C9: variants seen among roughly 807,000 people sequenced by gnomAD.
C9 encodes the protein complement component C9.
A neutral mutation model predicts 65.4 loss-of-function variants in C9; 63 were observed. The observed-to-expected ratio is 0.96, with a 90% CI of 0.79 to 1.19. The LOEUF (loss-of-function observed/expected upper bound fraction) is 1.19. C9 is among the 50% of genes most tolerant of loss of function. C9 has a pLI of 0.00. For missense variants in C9, 744 were observed against 670.1 expected (o/e 1.11, Z -1.22); for synonymous variants, 229 against 227.9 (o/e 1.00, Z -0.04).
chr5:39,342,019 C>G, intron 2 of C9, 72 bp downstream of exon 2: 1 of 905,094 alleles, frequency 1.1e-6, no homozygotes, highest in Non-Finnish European at 1.9e-6. Context: ...GCCTCATAAT[C>G]ATTTTTCTGG....
chr5:39,325,771 C>G (rs1473732654), intron 5 of C9, among the ~76,000 whole-genome samples: 1 of 92,476 alleles, frequency 1.1e-5, no homozygotes, highest in Admixed American at 1.2e-4. Context: ...GACTCCATCT[C>G]AAAAAAAAAA....
At chr5:39,346,534 C>T (rs983175971) in intron 1 of C9, among the ~76,000 whole-genome samples, 2 of 152,068 alleles carry the variant, frequency 1.3e-5, no homozygotes, top group African/African-American at 2.4e-5. Context: ...AATTAATAGC[C>T]TACCAACCAA....
intron 9 of C9, among the ~76,000 whole-genome samples, chr5:39,293,009 T>C (rs650118): frequency 0.078 from 11,716 of 149,526 alleles, 603 homozygotes; most frequent in East Asian, 0.14. Flanking sequence ...AACTGAAATG[T>C]TAAAGGGAGA....
At chr5:39,344,485 AGAAAT>A (rs1476789597) in intron 1 of C9, among the ~76,000 whole-genome samples, 2 of 152,262 alleles carry the variant, frequency 1.3e-5, no homozygotes, top group Non-Finnish European at 2.9e-5. Context: ...AAGGATAAAA[AGAAAT>A]GAACAAAGCC....
At chr5:39,296,858 C>G (rs943194212) in intron 9 of C9, among the ~76,000 whole-genome samples, 1 of 150,892 alleles carries the variant, frequency 6.6e-6, no homozygotes, top group East Asian at 1.9e-4. Flanking sequence ...CGCATGTTTT[C>G]TCTTATATGT....
At chr5:39,305,320 G>A (rs1175626330) in intron 9 of C9, among the ~76,000 whole-genome samples, 3 of 151,910 alleles carry the variant, frequency 2.0e-5, no homozygotes, top group Non-Finnish European at 4.4e-5. Context: ...TAACATAAAG[G>A]GAGAATAGAT....
intron 7 of C9, 106 bp from the exon 8 acceptor site, chr5:39,308,464 C>T (rs1404350874): frequency 1.3e-6 from 1 of 796,326 alleles, no homozygotes; most frequent in South Asian, 1.4e-5. Context: ...GGTTCCTATA[C>T]ACCATGACTA....
intron 9 of C9, among the ~76,000 whole-genome samples, chr5:39,292,505 A>G (rs192056955): frequency 6.6e-6 from 1 of 152,084 alleles, no homozygotes; most frequent in African/African-American, 2.4e-5. Flanking sequence ...TTCAGGCAGA[A>G]GAATTACCAC....
intron 1 of C9, among the ~76,000 whole-genome samples, chr5:39,358,932 C>T (rs1020487483): frequency 6.6e-6 from 1 of 150,768 alleles, no homozygotes; most frequent in African/African-American, 2.4e-5. Flanking sequence ...TTACAGGGAG[C>T]CGAGATCGCG....
intron 1 of C9, among the ~76,000 whole-genome samples, chr5:39,346,610 C>G (rs1754199333): frequency 6.6e-6 from 1 of 152,196 alleles, no homozygotes; most frequent in African/African-American, 2.4e-5. Flanking sequence ...GAGCTGCTAC[C>G]ACTCTTTCTG....
At chr5:39,357,242 G>T (rs542224439) in intron 1 of C9, among the ~76,000 whole-genome samples, 58 of 152,270 alleles carry the variant, frequency 3.8e-4, no homozygotes, top group African/African-American at 1.4e-3. Flanking sequence ...ATGATAATGT[G>T]GCTTCTTTGA....
At position 39,331,741 on chromosome 5, in the gene C9, C is replaced by T. The variant is rs1753843807; in HGVS notation, c.550G>A (p.Asp184Asn). ...TATGTCAGAGTGTTTCCATCCCGATCCCGGTTACAGAGTCCATTGTAGAAC... is the reference window on the plus strand; with the variant it reads ...TATGTCAGAGTGTTTCCATCCCGATTCCGGTTACAGAGTCCATTGTAGAAC... ...NEFYNGLCNR[D>N]RDGNTLTYYR... Residue 184 changes from aspartate to asparagine, a missense_variant, in exon 5 of 11, where the codon GAT becomes AAT. Asp to Asn is a conservative substitution (Grantham distance 23, BLOSUM62 1). Coordinates refer to ENST00000263408, the MANE Select transcript of C9 (RefSeq NM_001737.5). 1.2e-6 allele frequency: 2 copies of T among 1,613,458 alleles called. No individual in the cohort carries two copies. The highest frequency in any genetic ancestry group is 3.3e-5 in the Admixed American group (2 of 59,998).
intron 9 of C9, among the ~76,000 whole-genome samples, chr5:39,291,343 T>C (rs1023382821): frequency 4.6e-5 from 7 of 151,784 alleles, no homozygotes; most frequent in African/African-American, 1.7e-4. Flanking sequence ...ATTTAATGAA[T>C]TGCAATATAG....
chr5:39,354,348 A>ATGTAATATTTTTAATTACATTAGATAT (rs1754377686), intron 1 of C9, among the ~76,000 whole-genome samples: 2 of 152,232 alleles, frequency 1.3e-5, no homozygotes, highest in Non-Finnish European at 2.9e-5. Context: ...GATATTAAAA[A>ATGTAATATTTTTAATTACATTAGATAT]TAGGAATTGT....
chr5:39,331,061 G>A (rs1169527998), intron 5 of C9, among the ~76,000 whole-genome samples: 3 of 152,114 alleles, frequency 2.0e-5, no homozygotes, highest in Admixed American at 1.3e-4. Context: ...ATTTTGCTTG[G>A]AACAAAGAAA....
chr5:39,285,624 A>T (rs1444157266), intron 10 of C9, among the ~76,000 whole-genome samples: 1 of 151,808 alleles, frequency 6.6e-6, no homozygotes, highest in Admixed American at 6.6e-5. Context: ...AAAACAAAAA[A>T]CCCATGCCCA....
At chr5:39,341,111 A>AT in intron 4 of C9, 35 bp downstream of exon 4, 1 of 1,611,490 alleles carries the variant, frequency 6.2e-7, no homozygotes, top group East Asian at 2.2e-5. Flanking sequence ...ATTTTCACTC[A>AT]TTTTCATCTG....
intron 1 of C9, among the ~76,000 whole-genome samples, chr5:39,359,558 T>C (rs1754478474): frequency 6.6e-6 from 1 of 151,260 alleles, no homozygotes. Context: ...AAATGTGCCA[T>C]TTTTTTTTAA....
rs569533930 is a variant in C9, at chr5:39,297,155, AT to A, written c.1417-8205del. Among the ~76,000 whole-genome samples the A allele has an allele frequency of 5.2e-3, 794 of 151,708 alleles. 8 individuals carry two copies. Among genetic ancestry groups the A allele is most frequent in the African/African-American group, 0.018 (742 of 41,506 alleles). ...AGTTTCAGGTATCTAGAAGAAGAAT[AT>A]TGAATGTTCCCAACACAAATAAATG... On this transcript the variant is annotated intron_variant, in intron 9 of 10. Transcript: ENST00000263408.
Sources: allele counts gnomAD v4.1 joint callset (sites outside exome capture counted in the v4.1 genomes callset), GRCh38; gene constraint gnomAD v4.1.1; transcripts MANE v1.5; gene names NCBI Gene and HGNC (gene_info 2026-07-23, HGNC 2026-07-21).